Variants in SMPD3 observed in about 807,000 individuals in gnomAD.
SMPD3 encodes the protein nSMase-2.
In SMPD3, 21 loss-of-function variants were observed where a neutral mutation model predicts 55.7. The ratio of observed to expected loss-of-function variants is 0.38; its 90% CI spans 0.27 to 0.54. The LOEUF (loss-of-function observed/expected upper bound fraction) is 0.54. Ranked by LOEUF, SMPD3 falls within the 20% of genes least tolerant of loss-of-function variation. SMPD3 has a pLI of 0.80. For synonymous variants in SMPD3, 457 were observed against 404.3 expected (o/e 1.13, Z -1.56); for missense variants, 842 against 899.6 (o/e 0.94, Z 0.82).
At chr16:68,422,600 C>T (rs1434418012) in intron 1 of SMPD3, among the ~76,000 whole-genome samples, 3 of 152,118 alleles carry the variant, frequency 2.0e-5, no homozygotes, top group African/African-American at 7.2e-5. Context: ...ATTCCACCTC[C>T]CACTGAGGGG....
intron 1 of SMPD3, among the ~76,000 whole-genome samples, chr16:68,444,626 T>C (rs2090596150): frequency 6.6e-6 from 1 of 152,244 alleles, no homozygotes; most frequent in South Asian, 2.1e-4. Flanking sequence ...ACATTCTTGA[T>C]TAACTTCAAG....
At chr16:68,444,253 C>T (rs2090591462) in intron 1 of SMPD3, among the ~76,000 whole-genome samples, 1 of 152,238 alleles carries the variant, frequency 6.6e-6, no homozygotes, top group African/African-American at 2.4e-5. Context: ...ACTCCAGAAC[C>T]TTGGACAGCT....
chr16:68,393,212 A>G (rs1233559607), intron 1 of SMPD3, among the ~76,000 whole-genome samples: 2 of 152,218 alleles, frequency 1.3e-5, no homozygotes, highest in Middle Eastern at 6.8e-3. Context: ...CAAGACCAGC[A>G]TGGCCAACAT....
At chr16:68,370,837 A>G (rs775396862) in intron 3 of SMPD3, 22 bp downstream of exon 3, 1 of 1,611,626 alleles carries the variant, frequency 6.2e-7, no homozygotes, top group Non-Finnish European at 8.5e-7. Context: ...CGTGGTCCTC[A>G]GGCTGGGCCG....
intron 1 of SMPD3, among the ~76,000 whole-genome samples, chr16:68,420,763 T>C (rs1324575287): frequency 3.9e-5 from 6 of 152,216 alleles, no homozygotes; most frequent in Non-Finnish European, 5.9e-5. Flanking sequence ...ATAAGGATAT[T>C]CTGTGTTCAC....
intron 7 of SMPD3, among the ~76,000 whole-genome samples, 161 bp from the exon 8 acceptor site, chr16:68,361,920 C>T (rs184373791): frequency 6.6e-6 from 1 of 152,298 alleles, no homozygotes; most frequent in Admixed American, 6.5e-5. Flanking sequence ...AAAAGGGCCT[C>T]AGCTGGGGGT....
At chr16:68,367,099 C>T (rs1050755487) in intron 3 of SMPD3, among the ~76,000 whole-genome samples, 2 of 151,918 alleles carry the variant, frequency 1.3e-5, no homozygotes, top group African/African-American at 2.4e-5. Flanking sequence ...ACCTGGGGGG[C>T]GGAGGTTGCA....
At chr16:68,433,546 G>T (rs904443237) in intron 1 of SMPD3, among the ~76,000 whole-genome samples, 1 of 152,214 alleles carries the variant, frequency 6.6e-6, no homozygotes, top group African/African-American at 2.4e-5. Context: ...TGGCAGATGG[G>T]GTATGCAAGG....
intron 2 of SMPD3, among the ~76,000 whole-genome samples, chr16:68,383,361 A>T (rs562392538): frequency 6.6e-6 from 1 of 152,320 alleles, no homozygotes; most frequent in African/African-American, 2.4e-5. Context: ...AGGAAGACAG[A>T]GTGTCTCACT....
At chr16:68,361,852 T>TTG in intron 7 of SMPD3, 93 bp from the exon 8 acceptor site, 2 of 891,326 alleles carry the variant, frequency 2.2e-6, no homozygotes, top group Non-Finnish European at 3.2e-6. Context: ...CCTCCCAGTG[T>TTG]GGGAGCGGGT....
At chr16:68,377,620 G>A (rs527510473) in intron 2 of SMPD3, among the ~76,000 whole-genome samples, 86 of 152,326 alleles carry the variant, frequency 5.6e-4, no homozygotes, top group Non-Finnish European at 9.4e-4. Flanking sequence ...CATCACCAGC[G>A]GAGGGTGATC....
intron 6 of SMPD3, 67 bp from the exon 7 acceptor site, chr16:68,363,626 C>A: frequency 6.6e-7 from 1 of 1,522,442 alleles, no homozygotes; most frequent in Non-Finnish European, 9.0e-7. Flanking sequence ...AGGGGGTGGC[C>A]TCTGTGGGTG....
At chr16:68,425,014 A>G (rs1313455260) in intron 1 of SMPD3, among the ~76,000 whole-genome samples, 2 of 152,206 alleles carry the variant, frequency 1.3e-5, no homozygotes, top group Non-Finnish European at 2.9e-5. Flanking sequence ...GCCTGGCTAT[A>G]TTATAAACCA....
In SMPD3 at chr16:68,415,878, C is replaced by T. The variant is rs186152301; in HGVS notation, c.-268-29219G>A. ...GTATTTAATGTGACATATTCTGCCTCACAAAGTAAAAGAGAAAGGGCAGTT... is the reference window on the plus strand; with the variant it reads ...GTATTTAATGTGACATATTCTGCCTTACAAAGTAAAAGAGAAAGGGCAGTT... On this transcript the variant is annotated intron_variant, in intron 1 of 8. Coordinates refer to ENST00000219334, the MANE Select transcript of SMPD3 (RefSeq NM_018667.4). Among the ~76,000 whole-genome samples the T allele has an allele frequency of 4.8e-3, 721 of 150,970 alleles. 6 individuals carry two copies. Among genetic ancestry groups the T allele is most frequent in the African/African-American group, 0.012 (480 of 41,064 alleles).
rs2089677549 is a variant in SMPD3 at position 68,371,756 on chromosome 16, G to C, written c.426C>G (p.Asn142Lys). 6.2e-7 allele frequency: 1 copy of C among 1,611,692 alleles called. No homozygotes were observed. The highest frequency in any genetic ancestry group is 8.5e-7 in the Non-Finnish European group (1 of 1,179,042). ...CLLPDSLARV[N>K]NLFNTQARAK... ...CCCGCGCTTGGGTGTTAAAAAGGTTGTTGACCCTGGCGAGTGAGTCGGGCA... is the reference window on the plus strand; with the variant it reads ...CCCGCGCTTGGGTGTTAAAAAGGTTCTTGACCCTGGCGAGTGAGTCGGGCA... The change falls in exon 3 of 9, where the codon AAC becomes AAG. Residue 142 changes from asparagine to lysine, a missense_variant. Coordinates refer to ENST00000219334, the MANE Select transcript of SMPD3 (RefSeq NM_018667.4).
chr16:68,397,628 C>T (rs1472094424), intron 1 of SMPD3, among the ~76,000 whole-genome samples: 26 of 152,256 alleles, frequency 1.7e-4, no homozygotes, highest in Non-Finnish European at 1.5e-5. Flanking sequence ...GCCTCCTCTC[C>T]TGTCGCACTT....
chr16:68,422,787 C>G (rs1346260885), intron 1 of SMPD3, among the ~76,000 whole-genome samples: 1 of 152,146 alleles, frequency 6.6e-6, no homozygotes, highest in Admixed American at 6.5e-5. Flanking sequence ...AAAGAGGTGG[C>G]GTGTAGGCTG....
At chr16:68,425,357 G>A (rs1381384570) in intron 1 of SMPD3, among the ~76,000 whole-genome samples, 1 of 152,230 alleles carries the variant, frequency 6.6e-6, no homozygotes. Flanking sequence ...GGTGAAGGCA[G>A]GGGCAAGAGC....
chr16:68,446,745 A>T (rs974884283), intron 1 of SMPD3, among the ~76,000 whole-genome samples: 12 of 151,852 alleles, frequency 7.9e-5, no homozygotes, highest in African/African-American at 2.9e-4. Context: ...ACCCTGGCCC[A>T]CTCACGCCCT....
Sources: gnomAD v4.1 joint callset for allele counts (sites outside exome capture counted in the v4.1 genomes callset) on GRCh38, gnomAD v4.1.1 for gene constraint, MANE v1.5 for transcripts, NCBI Gene and HGNC (gene_info 2026-07-23, HGNC 2026-07-21) for gene names.